The following UCHL3 variants were observed in gnomAD, a reference collection of about 807,000 sequenced individuals.
UCHL3 encodes ubiquitin carboxyl-terminal hydrolase isozyme L3.
A neutral mutation model predicts 35.8 loss-of-function variants in UCHL3; 22 were observed. That is an observed-to-expected ratio of 0.61 (90% CI 0.44 to 0.88). The LOEUF is 0.88. Ranked by LOEUF, UCHL3 falls within the 40% of genes least tolerant of loss-of-function variation. UCHL3 has a pLI of 0.00. For missense variants in UCHL3, 229 were observed against 276.9 expected, an observed-to-expected ratio of 0.83 and a Z score of 1.23; for synonymous variants, 90 against 92.8, an observed-to-expected ratio of 0.97 and a Z score of 0.17.
intron 3 of UCHL3, among the ~76,000 whole-genome samples, chr13:75,561,803 G>GTA (rs1566211464): frequency 5.7e-4 from 18 of 31,614 alleles, no homozygotes; most frequent in African/African-American, 1.0e-3. Context: ...ATATGTATAC[G>GTA]TATACATACG....
intron 3 of UCHL3, among the ~76,000 whole-genome samples, chr13:75,564,311 C>T (rs1030037811): frequency 3.3e-5 from 5 of 151,892 alleles, no homozygotes; most frequent in South Asian, 2.1e-4. Context: ...CCACCACGCC[C>T]GGCTTATTTT....
chr13:75,581,474 C>G (rs2138532165), intron 6 of UCHL3, among the ~76,000 whole-genome samples: 1 of 151,304 alleles, frequency 6.6e-6, no homozygotes. Context: ...CTCAGCCTCC[C>G]AAGTAGCTGA....
chr13:75,588,289 T>G (rs2032382367), intron 6 of UCHL3, among the ~76,000 whole-genome samples: 1 of 152,124 alleles, frequency 6.6e-6, no homozygotes, highest in African/African-American at 2.4e-5. Flanking sequence ...CTCTCTAGAT[T>G]CTTAGAAATT....
chr13:75,552,405 G>T (rs1206104115), intron 2 of UCHL3, among the ~76,000 whole-genome samples: 1 of 152,170 alleles, frequency 6.6e-6, no homozygotes, highest in Non-Finnish European at 1.5e-5. Context: ...TTACCATCTG[G>T]TAATTGCATG....
intron 6 of UCHL3, chr13:75,590,060 C>T (rs1415753886): frequency 7.7e-7 from 1 of 1,304,420 alleles, no homozygotes; most frequent in Non-Finnish European, 1.0e-6. Context: ...CAAAGGCTAC[C>T]AGTCCATCTC....
chr13:75,599,758 A>G (rs1255085928), intron 7 of UCHL3, among the ~76,000 whole-genome samples: 1 of 152,186 alleles, frequency 6.6e-6, no homozygotes, highest in Non-Finnish European at 1.5e-5. Flanking sequence ...AGACACAATA[A>G]TATTGAAATG....
At chr13:75,553,522 T>A (rs1257089567) in intron 2 of UCHL3, among the ~76,000 whole-genome samples, 1 of 152,236 alleles carries the variant, frequency 6.6e-6, no homozygotes, top group African/African-American at 2.4e-5. Context: ...TCTATTTTCC[T>A]AATTGCTTCG....
chr13:75,585,972 C>T (rs2032311239), intron 6 of UCHL3, among the ~76,000 whole-genome samples: 1 of 151,956 alleles, frequency 6.6e-6, no homozygotes, highest in Non-Finnish European at 1.5e-5. Context: ...AAATAAAGAA[C>T]TGACAATGTA....
chr13:75,589,667 T>G (rs2138556132), intron 6 of UCHL3, among the ~76,000 whole-genome samples: 1 of 152,340 alleles, frequency 6.6e-6, no homozygotes, highest in Non-Finnish European at 1.5e-5. Context: ...TACATATTAA[T>G]TTCCATGAGT....
At chr13:75,602,830 T>C (rs1400134843) in intron 7 of UCHL3, among the ~76,000 whole-genome samples, 1 of 152,224 alleles carries the variant, frequency 6.6e-6, no homozygotes, top group African/African-American at 2.4e-5. Context: ...CTTTGTTCTA[T>C]ACTGCTATTA....
intron 3 of UCHL3, among the ~76,000 whole-genome samples, chr13:75,561,281 A>C (rs769551976): frequency 3.3e-5 from 5 of 152,318 alleles, no homozygotes; most frequent in Non-Finnish European, 7.4e-5. Context: ...TGATAAATAC[A>C]ATCTTTAAGA....
chr13:75,577,013 G>C (rs999087549), intron 6 of UCHL3, among the ~76,000 whole-genome samples: 3 of 152,152 alleles, frequency 2.0e-5, no homozygotes, highest in Non-Finnish European at 4.4e-5. Context: ...ACTTTGGGAG[G>C]CCAAGAAGGG....
At chr13:75,553,314 T>C (rs188871374) in intron 2 of UCHL3, among the ~76,000 whole-genome samples, 86 of 152,360 alleles carry the variant, frequency 5.6e-4, no homozygotes, top group African/African-American at 1.9e-3. Context: ...TTCATTCCTG[T>C]GTAGCTTGCT....
chr13:75,581,357 T>A (rs1460186760), intron 6 of UCHL3, among the ~76,000 whole-genome samples: 2 of 151,504 alleles, frequency 1.3e-5, no homozygotes, highest in South Asian at 2.1e-4. Context: ...CTTTTTTTTT[T>A]TTTTTTCCTT....
At chr13:75,595,098 G>A (rs7330411) in intron 7 of UCHL3, 108 bp downstream of exon 7, 768,047 of 770,036 alleles carry the variant, frequency 1, 383,069 homozygotes, top group East Asian at 1. Context: ...AAATTAACTG[G>A]TTGCCTATAA....
chr13:75,584,860 A>C (rs1465633676), intron 6 of UCHL3, among the ~76,000 whole-genome samples: 1 of 152,182 alleles, frequency 6.6e-6, no homozygotes, highest in Non-Finnish European at 1.5e-5. Context: ...AACAAAGTTG[A>C]GAAAAGAATC....
chr13:75,600,124 C>G (rs1476132563), intron 7 of UCHL3, among the ~76,000 whole-genome samples: 1 of 152,134 alleles, frequency 6.6e-6, no homozygotes, highest in African/African-American at 2.4e-5. Context: ...TCTGTTAAGG[C>G]TGAGAGAGGT....
At chr13:75,594,742 C>T (rs1400977276) in intron 6 of UCHL3, among the ~76,000 whole-genome samples, 173 bp from the exon 7 acceptor site, 1 of 152,190 alleles carries the variant, frequency 6.6e-6, no homozygotes, top group Non-Finnish European at 1.5e-5. Context: ...AGCACATTGT[C>T]ACAAACACAG....
At position 75,594,142 on chromosome 13, in the gene UCHL3, A is replaced by G. The variant is rs114644446; in HGVS notation, c.475-773A>G. 3.0e-3 allele frequency among the ~76,000 whole-genome samples: 462 copies of G among 152,334 alleles called. 5 individuals are homozygous for G. The highest frequency in any genetic ancestry group is 0.011 in the African/African-American group (442 of 41,572). On this transcript the variant is annotated intron_variant, in intron 6 of 8. Coordinates refer to ENST00000377595, the MANE Select transcript of UCHL3 (RefSeq NM_006002.5). ...GTTAATCAATGTATCGACTTTGCAT[A>G]TGTTATTTGAATGCCTTAGAAATGT...
Sources: gnomAD v4.1 joint callset for allele counts (sites outside exome capture counted in the v4.1 genomes callset) on GRCh38, gnomAD v4.1.1 for gene constraint, MANE v1.5 for transcripts, NCBI Gene and HGNC (gene_info 2026-07-23, HGNC 2026-07-21) for gene names.